Variants in CSGALNACT1 observed in about 807,000 individuals in gnomAD.
The protein encoded by CSGALNACT1 is chondroitin sulfate N-acetylgalactosaminyltransferase 1, also known as beta4GalNAcT-1.
Under a neutral mutation model 51.0 loss-of-function variants are expected in CSGALNACT1, and 52 were observed. That is an observed-to-expected ratio of 1.02 (90% CI 0.82 to 1.29). The LOEUF (loss-of-function observed/expected upper bound fraction) is 1.29, where lower values mean the gene tolerates loss of function less well. Ranked by LOEUF, CSGALNACT1 falls within the 50% of genes most tolerant of loss-of-function variation. CSGALNACT1 has a pLI of 0.00. For synonymous variants in CSGALNACT1, 341 were observed against 254.4 expected, an observed-to-expected ratio of 1.34 and a Z score of -3.24; for missense variants, 935 against 679.2, an observed-to-expected ratio of 1.38 and a Z score of -4.19.
intron 4 of CSGALNACT1, among the ~76,000 whole-genome samples, chr8:19,489,621 TA>T (rs779415710): frequency 6.6e-6 from 1 of 152,198 alleles, no homozygotes; most frequent in Non-Finnish European, 1.5e-5. Context: ...CATTTAAGTC[TA>T]GGGGGAGACC....
At chr8:19,555,537 T>C (rs548473213) in intron 3 of CSGALNACT1, among the ~76,000 whole-genome samples, 1 of 152,132 alleles carries the variant, frequency 6.6e-6, no homozygotes, top group Non-Finnish European at 1.5e-5. Context: ...CACTGAAGCA[T>C]AATTCCGATA....
intron 3 of CSGALNACT1, among the ~76,000 whole-genome samples, chr8:19,540,918 A>C (rs2084950332): frequency 6.6e-6 from 1 of 152,102 alleles, no homozygotes; most frequent in Non-Finnish European, 1.5e-5. Context: ...GCACTCCTCC[A>C]CTGAGCTATA....
At chr8:19,562,615 C>T (rs7017214) in intron 3 of CSGALNACT1, among the ~76,000 whole-genome samples, 4,661 of 152,056 alleles carry the variant, frequency 0.031, 244 homozygotes, top group African/African-American at 0.11. Context: ...AAATAAACAA[C>T]CCTATTAAAA....
At chr8:19,618,678 A>AG (rs1480553572) in intron 1 of CSGALNACT1, among the ~76,000 whole-genome samples, 1 of 149,392 alleles carries the variant, frequency 6.7e-6, no homozygotes, top group Non-Finnish European at 1.5e-5. Context: ...AGAAAGAAAG[A>AG]GAAAAAAAAG....
intron 1 of CSGALNACT1, among the ~76,000 whole-genome samples, chr8:19,637,433 T>A (rs1226249963): frequency 2.0e-5 from 3 of 152,214 alleles, no homozygotes; most frequent in African/African-American, 7.2e-5. Flanking sequence ...GTTTATAATG[T>A]TCTCTTTTTT....
At chr8:19,666,898 T>G (rs139188245) in intron 1 of CSGALNACT1, among the ~76,000 whole-genome samples, 106 of 46,412 alleles carry the variant, frequency 2.3e-3, no homozygotes, top group African/African-American at 5.7e-3. Flanking sequence ...AGAGAGGAAG[T>G]GAGGAAGGGA....
At chr8:19,634,761 C>T (rs886627398) in intron 1 of CSGALNACT1, among the ~76,000 whole-genome samples, 3 of 152,148 alleles carry the variant, frequency 2.0e-5, no homozygotes, top group Non-Finnish European at 1.5e-5. Flanking sequence ...AATAAGAGAG[C>T]CCTTACCAGG....
chr8:19,569,303 G>T (rs1018204732), intron 3 of CSGALNACT1, among the ~76,000 whole-genome samples: 1 of 152,180 alleles, frequency 6.6e-6, no homozygotes, highest in African/African-American at 2.4e-5. Flanking sequence ...AGAGGCTATT[G>T]ATCATGGCAC....
intron 1 of CSGALNACT1, among the ~76,000 whole-genome samples, chr8:19,734,790 T>G (rs34347433): frequency 0.16 from 24,857 of 152,068 alleles, 2,205 homozygotes; most frequent in Middle Eastern, 0.31. Flanking sequence ...ATAAAGTTAC[T>G]GAATGTCAAA....
chr8:19,628,145 T>C (rs1011391028), intron 1 of CSGALNACT1, among the ~76,000 whole-genome samples: 5 of 152,198 alleles, frequency 3.3e-5, no homozygotes, highest in Admixed American at 2.6e-4. Flanking sequence ...GTAGATACTG[T>C]TGTATTAGTC....
intron 3 of CSGALNACT1, among the ~76,000 whole-genome samples, chr8:19,545,371 C>T (rs191803950): frequency 6.6e-6 from 1 of 152,180 alleles, no homozygotes; most frequent in Admixed American, 6.5e-5. Flanking sequence ...AACCCTTTCA[C>T]GAAAAATGAG....
At chr8:19,525,375 C>T (rs958513415) in intron 3 of CSGALNACT1, among the ~76,000 whole-genome samples, 2 of 151,288 alleles carry the variant, frequency 1.3e-5, no homozygotes, top group Non-Finnish European at 2.9e-5. Flanking sequence ...AGGCTGAGGC[C>T]GGCGGATCAT....
chr8:19,446,994 T>C (rs2062237966), intron 5 of CSGALNACT1, among the ~76,000 whole-genome samples: 1 of 152,192 alleles, frequency 6.6e-6, no homozygotes, highest in Non-Finnish European at 1.5e-5. Flanking sequence ...AAAACATGTA[T>C]CACAGTCACT....
Position 19,518,743 on chromosome 8 carries a change from G to A in CSGALNACT1, c.-296-12613C>T, listed in dbSNP as rs190461729. 2.6e-5 allele frequency among the ~76,000 whole-genome samples: 4 copies of A among 152,252 alleles called. No individual in the cohort carries two copies. In the East Asian group the frequency reaches 7.7e-4, roughly 29 times the overall value. On this transcript the variant is annotated intron_variant, in intron 3 of 9. Transcript: ENST00000454498. ...CAGGGTATATACCCCAGACAATGTAGCTGCTTCACTTCCAGCTAGGCCGTC... is the reference window on the plus strand; with the variant it reads ...CAGGGTATATACCCCAGACAATGTAACTGCTTCACTTCCAGCTAGGCCGTC...
chr8:19,563,247 G>A (rs576249502), intron 3 of CSGALNACT1, among the ~76,000 whole-genome samples: 1 of 152,114 alleles, frequency 6.6e-6, no homozygotes, highest in African/African-American at 2.4e-5. Flanking sequence ...TGGACACAGG[G>A]AGGGGAACGA....
intron 5 of CSGALNACT1, among the ~76,000 whole-genome samples, chr8:19,456,211 T>C (rs1017804510): frequency 6.6e-6 from 1 of 152,202 alleles, no homozygotes; most frequent in African/African-American, 2.4e-5. Context: ...ACTAAGGAAA[T>C]AGCTGTTCAT....
intron 1 of CSGALNACT1, among the ~76,000 whole-genome samples, chr8:19,716,716 T>C (rs1312361156): frequency 1.4e-5 from 2 of 147,680 alleles, no homozygotes; most frequent in African/African-American, 5.0e-5. Flanking sequence ...CACGGGAACA[T>C]GGGAGGCAGA....
At position 19,666,995 on chromosome 8, in the gene CSGALNACT1, GA is replaced by G. The variant is rs1221624608; in HGVS notation, c.-544+15477del. On this transcript the variant is annotated intron_variant, in intron 1 of 9. Transcript: ENST00000332246. ...AGAAAGAAAGAAAGAAAGAAAGAAA[GA>G]AAGAAAGAAAGAAAGAAAGAAAGGA... Among the ~76,000 whole-genome samples, 181 of 26,840 alleles carry G rather than the reference GA, an allele frequency of 6.7e-3. 3 individuals carry two copies. The highest frequency in any genetic ancestry group is 8.8e-3 in the Non-Finnish European group (126 of 14,362). The allele number at this position is 26,840 out of a possible 152,430, so 17.6% of individuals were successfully genotyped here. A position where few individuals can be genotyped will look rare whatever the true frequency, so the allele number is the denominator to read the frequency against.
At position 19,525,615 on chromosome 8, in the gene CSGALNACT1, C is replaced by CAAAAAAAAAA. The variant is rs34787475; in HGVS notation, c.-296-19495_-296-19486dup. ...CTGGCTGACAGAGGGAAACTTGTCC[C>CAAAAAAAAAA]AAAAAAAAAAAAAAAAAAAAAAAAA... On this transcript the variant is annotated intron_variant, in intron 3 of 9. Transcript: ENST00000454498. Among the ~76,000 whole-genome samples the CAAAAAAAAAA allele has an allele frequency of 1.0e-3, 21 of 20,372 alleles. 3 individuals are homozygous for CAAAAAAAAAA. Among genetic ancestry groups the CAAAAAAAAAA allele is most frequent in the African/African-American group, 1.8e-3 (11 of 6,088 alleles). 13.4% of individuals were successfully genotyped at this position (20,372 alleles called of 152,430 possible). A position where few individuals can be genotyped will look rare whatever the true frequency, so the allele number is the denominator to read the frequency against.
Sources: gnomAD v4.1 joint callset for allele counts (sites outside exome capture counted in the v4.1 genomes callset) on GRCh38, gnomAD v4.1.1 for gene constraint, MANE v1.5 for transcripts, NCBI Gene and HGNC (gene_info 2026-07-23, HGNC 2026-07-21) for gene names.